The following IPO7 variants were observed in gnomAD, a reference collection of about 807,000 sequenced individuals.
IPO7 encodes importin 7, also known as importin-7.
Under a neutral mutation model 136.4 loss-of-function variants are expected in IPO7, and 13 were observed. The ratio of observed to expected loss-of-function variants is 0.10; its 90% CI spans 0.06 to 0.15. The LOEUF is 0.15. Ranked by LOEUF, IPO7 falls within the 10% of genes least tolerant of loss-of-function variation. The pLI, the probability that IPO7 is intolerant of heterozygous loss-of-function variation, is 1.00. For synonymous variants in IPO7, 403 were observed against 404.4 expected, an observed-to-expected ratio of 1.00 and a Z score of 0.04; for missense variants, 857 against 1,240.6, an observed-to-expected ratio of 0.69 and a Z score of 4.65.
intron 22 of IPO7, among the ~76,000 whole-genome samples, chr11:9,439,738 C>CGGT (rs397714770): frequency 1.3e-5 from 2 of 151,770 alleles, no homozygotes; most frequent in Admixed American, 6.6e-5. Context: ...ACCACACCGG[C>CGGT]TAATTTTTGT....
intron 4 of IPO7, among the ~76,000 whole-genome samples, chr11:9,413,853 T>G (rs1453696762): frequency 2.0e-5 from 3 of 152,088 alleles, no homozygotes; most frequent in African/African-American, 4.8e-5. Context: ...TCATTATGCC[T>G]CCTCATCTAT....
chr11:9,426,689 G>A (rs763048184), intron 12 of IPO7, among the ~76,000 whole-genome samples: 19 of 152,030 alleles, frequency 1.2e-4, no homozygotes, highest in South Asian at 2.1e-4. Flanking sequence ...CTTACTATCC[G>A]TTTGTATATT....
chr11:9,431,013 T>A lies in IPO7; in HGVS notation c.1881+10T>A. ...TGAAGATCATAAAGAGGTAAGAAGA[T>A]GATCTAGTGTTGCAGTTTTTCAAGC... On this transcript the variant is annotated intron_variant, in intron 16 of 24. Coordinates refer to ENST00000379719, the MANE Select transcript of IPO7 (RefSeq NM_006391.3). The A allele has an allele frequency of 6.2e-7, 1 of 1,609,428 alleles. No individual in the cohort carries two copies. The highest frequency in any genetic ancestry group is 1.3e-5 in the African/African-American group (1 of 74,990).
Position 9,423,770 on chromosome 11 carries a change from AT to A in IPO7, c.1042-5del, listed in dbSNP as rs1449372197. ...TGGTTATTGTTTTCTTAACTTTTAAATTGCAGGGCATTATCCAAGATGTTAT... is the reference window on the plus strand; with the variant it reads ...TGGTTATTGTTTTCTTAACTTTTAAATGCAGGGCATTATCCAAGATGTTAT... On this transcript the variant is annotated splice_polypyrimidine_tract_variant and splice_region_variant and intron_variant, in intron 9 of 24. Coordinates refer to ENST00000379719, the MANE Select transcript of IPO7 (RefSeq NM_006391.3). The A allele has an allele frequency of 6.5e-7, 1 of 1,535,146 alleles. No individual in the cohort carries two copies. The highest frequency in any genetic ancestry group is 2.3e-5 in the East Asian group (1 of 43,614).
At chr11:9,400,032 T>C (rs1161607453) in intron 1 of IPO7, among the ~76,000 whole-genome samples, 1 of 152,202 alleles carries the variant, frequency 6.6e-6, no homozygotes, top group African/African-American at 2.4e-5. Context: ...TCCCTTAATA[T>C]AAAATGGTGT....
intron 1 of IPO7, among the ~76,000 whole-genome samples, chr11:9,398,142 T>C (rs2133725383): frequency 6.6e-6 from 1 of 152,332 alleles, no homozygotes; most frequent in Non-Finnish European, 1.5e-5. Context: ...CCTTTCTCAC[T>C]CTACACTGCC....
chr11:9,425,669 A>G (rs2133752526), intron 12 of IPO7, among the ~76,000 whole-genome samples: 1 of 152,074 alleles, frequency 6.6e-6, no homozygotes, highest in East Asian at 1.9e-4. Context: ...AGGTCAGGAG[A>G]TCGAGACCAT....
intron 12 of IPO7, among the ~76,000 whole-genome samples, chr11:9,428,150 T>A (rs1212722868): frequency 6.6e-6 from 1 of 151,998 alleles, no homozygotes; most frequent in Non-Finnish European, 1.5e-5. Flanking sequence ...GAGTGTGCCT[T>A]TTTAGATAGC....
At chr11:9,409,386 G>A (rs1191932951) in intron 3 of IPO7, among the ~76,000 whole-genome samples, 4 of 152,170 alleles carry the variant, frequency 2.6e-5, no homozygotes, top group East Asian at 1.9e-4. Context: ...TGTGATTACA[G>A]GTGTGAGCCA....
At chr11:9,397,361 T>TATATATATATATATATATATATATATAA (rs377148636) in intron 1 of IPO7, among the ~76,000 whole-genome samples, 1 of 42,278 alleles carries the variant, frequency 2.4e-5, no homozygotes, top group African/African-American at 1.1e-4. Context: ...TATATATATA[T>TATATATATATATATATATATATATATAA]ATATTAGTCG....
At chr11:9,425,992 G>T (rs1030778413) in intron 12 of IPO7, among the ~76,000 whole-genome samples, 1 of 151,986 alleles carries the variant, frequency 6.6e-6, no homozygotes, top group South Asian at 2.1e-4. Flanking sequence ...GCTGCAGTGA[G>T]CCGAGGTCAT....
rs370431374 is a variant in IPO7, at chr11:9,436,352, C to T, written c.2254C>T (p.Arg752Cys). 8.1e-6 allele frequency: 13 copies of T among 1,610,788 alleles called. No individual in the cohort carries two copies. The highest frequency in any genetic ancestry group is 1.0e-5 in the Non-Finnish European group (12 of 1,177,280). Residue 752 changes from arginine (R) to cysteine (C), a missense_variant, in exon 20 of 25, where the codon CGT (arginine) becomes TGT (cysteine). By Grantham distance (180) the Arg-to-Cys change is radical (BLOSUM62 -3). Around this residue, in one of 11 missense-constraint regions of IPO7, gnomAD observed 190 missense variants for 249.0 expected, o/e 0.76. Coordinates refer to ENST00000379719, the MANE Select transcript of IPO7 (RefSeq NM_006391.3). ...LEVIILQCKG[R>C]GIDQCIPLFV... ...GGTCATCATTCTGCAGTGCAAAGGG[C>T]GTGGCATTGACCAGGTCAGTGAAGC...
rs1855402933 is a variant in IPO7 at position 9,437,956 on chromosome 11, A to G, written c.2471A>G (p.Asp824Gly). The stretch of plus-strand genomic sequence containing the variant: ...CATTTTATTACACAGTGGCTTAATG[A>G]TGTTGACTGTTTCTTGGGGTAAGTG... ...TNHFITQWLNDVDCFLGLHDR... is the reference protein window; with the variant it reads ...TNHFITQWLNGVDCFLGLHDR... Residue 824 changes from aspartate (D) to glycine (G), a missense_variant, in exon 21 of 25, where the codon GAT (aspartate) becomes GGT (glycine). Around this residue, in one of 11 missense-constraint regions of IPO7, gnomAD observed 190 missense variants for 249.0 expected, o/e 0.76. Transcript: ENST00000379719. The G allele has an allele frequency of 6.2e-7, 1 of 1,605,284 alleles. No individual in the cohort carries two copies. Among genetic ancestry groups the G allele is most frequent in the Non-Finnish European group, 8.5e-7 (1 of 1,176,228 alleles).
intron 6 of IPO7, among the ~76,000 whole-genome samples, chr11:9,420,096 G>T (rs749813577): frequency 1.8e-4 from 28 of 152,272 alleles, no homozygotes; most frequent in Non-Finnish European, 3.5e-4. Context: ...GGCGGAGGCG[G>T]GTGGATCACG....
chr11:9,440,450 G>A lies in IPO7; in HGVS notation c.2696-5G>A. On this transcript the variant is annotated splice_polypyrimidine_tract_variant and splice_region_variant and intron_variant, in intron 22 of 24. Transcript: ENST00000379719. Reference sequence around the variant, plus strand: ...TATAAAAGTACTTATATTATGACTTGGCAGAGGAACTGGGGAGTGATGAAG... The same window carrying A: ...TATAAAAGTACTTATATTATGACTTAGCAGAGGAACTGGGGAGTGATGAAG... The A allele has an allele frequency of 6.2e-7, 1 of 1,609,466 alleles. No homozygotes were observed.
intron 5 of IPO7, 62 bp from the exon 6 acceptor site, chr11:9,416,997 A>G: frequency 1.2e-6 from 1 of 805,786 alleles, no homozygotes; most frequent in Non-Finnish European, 2.1e-6. Flanking sequence ...TGTGAAGAGT[A>G]AAAAGAAGTA....
chr11:9,397,341 A>AAAAAAAAAAAAAAAAATAT lies in IPO7; in HGVS notation c.85-5948_85-5947insAAAAAAAAAAAAAAATATA. 4.2e-3 allele frequency among the ~76,000 whole-genome samples: 45 copies of AAAAAAAAAAAAAAAAATAT among 10,758 alleles called. 1 individual carries two copies. The highest frequency in any genetic ancestry group is 6.0e-3 in the Non-Finnish European group (33 of 5,460). The allele number at this position is 10,758 out of a possible 152,430, so 7.1% of individuals were successfully genotyped here. A position where few individuals can be genotyped will look rare whatever the true frequency, so the allele number is the denominator to read the frequency against. The stretch of plus-strand genomic sequence containing the variant: ...CTTTACTAAAAATAATTTAAAAAAA[A>AAAAAAAAAAAAAAAAATAT]ATATATATATATATATATATATATT... On this transcript the variant is annotated intron_variant, in intron 1 of 24. Transcript: ENST00000379719.
At chr11:9,405,200 A>G (rs1399903377) in intron 2 of IPO7, among the ~76,000 whole-genome samples, 1 of 151,932 alleles carries the variant, frequency 6.6e-6, no homozygotes, top group Non-Finnish European at 1.5e-5. Flanking sequence ...TTTGAGACGG[A>G]GTCTTGCTCT....
intron 16 of IPO7, chr11:9,433,103 G>C (rs568414519): frequency 3.9e-4 from 60 of 152,662 alleles, no homozygotes; most frequent in Non-Finnish European, 7.6e-4. Flanking sequence ...TCCTGCCTCA[G>C]CTTCCCAAGT....
Sources: gnomAD v4.1 joint callset for allele counts (sites outside exome capture counted in the v4.1 genomes callset) on GRCh38, gnomAD v4.1.1 for gene constraint, gnomAD v4.1.1 regional missense constraint, MANE v1.5 for transcripts, NCBI Gene and HGNC (gene_info 2026-07-23, HGNC 2026-07-21) for gene names.